ENOX2: variants seen among roughly 807,000 people sequenced by gnomAD.
The protein encoded by ENOX2 is ecto-NOX disulfide-thiol exchanger 2.
A neutral mutation model predicts 45.0 loss-of-function variants in ENOX2; 36 were observed. The observed-to-expected ratio is 0.80, with a 90% CI of 0.61 to 1.06. ENOX2 has a LOEUF of 1.06. Among genes scored for constraint, ENOX2 ranks in the 50% least tolerant of loss-of-function variants. The pLI, the probability that ENOX2 is intolerant of heterozygous loss-of-function variation, is 0.00. For missense variants in ENOX2, 423 were observed against 462.5 expected, an observed-to-expected ratio of 0.91 and a Z score of 0.78; for synonymous variants, 174 against 152.3, an observed-to-expected ratio of 1.14 and a Z score of -1.05.
intron 3 of ENOX2, among the ~76,000 whole-genome samples, chrX:130,735,716 C>G (rs1436568243): frequency 1.8e-5 from 2 of 110,941 alleles, no homozygotes; most frequent in Non-Finnish European, 3.8e-5. Flanking sequence ...ATGAATAACC[C>G]AACTGTCCAA....
chrX:130,659,311 ACT>A lies in ENOX2; in HGVS notation c.1015-2618_1015-2617del, dbSNP rs1226510158. On this transcript the variant is annotated intron_variant, in intron 9 of 14. Coordinates refer to ENST00000394363, the MANE Select transcript of ENOX2 (RefSeq NM_006375.4). ...AGTTTTCACTAAAAATAAATAAAAG[ACT>A]CTTTTTTTAAAAAGTGAGCTATTTA... is the stretch of plus-strand genomic sequence containing the variant. Among the ~76,000 whole-genome samples the A allele has an allele frequency of 4.5e-5, 5 of 112,334 alleles. No homozygotes were observed. In the East Asian group the frequency reaches 1.4e-3, roughly 31 times the overall value.
chrX:130,778,211 A>C (rs1473456807), intron 3 of ENOX2, among the ~76,000 whole-genome samples: 1 of 111,733 alleles, frequency 8.9e-6, no homozygotes, highest in Non-Finnish European at 1.9e-5. Context: ...AAAGGAAACA[A>C]AAGTACTCTC....
intron 2 of ENOX2, among the ~76,000 whole-genome samples, chrX:130,834,168 T>C (rs1193245153): frequency 2.7e-5 from 3 of 111,805 alleles, no homozygotes; most frequent in Non-Finnish European, 5.6e-5. Flanking sequence ...CATGTCTTCT[T>C]GTTGCTTTTG....
In ENOX2 at chrX:130,694,209, C is replaced by A. The variant is rs565151819; in HGVS notation, c.98-5191G>T. ...ATATAGCAATAGATAAGGAGAATAT[C>A]CAGCATGGCTGCAGTGGAATGTGAT... is the stretch of plus-strand genomic sequence containing the variant. On this transcript the variant is annotated intron_variant, in intron 4 of 14. Transcript: ENST00000394363. 1.2e-4 allele frequency among the ~76,000 whole-genome samples: 13 copies of A among 112,214 alleles called. 1 individual carries two copies. The South Asian group carries it at 4.8e-3, about 42-fold the overall frequency.
At chrX:130,725,485 T>A (rs2038583426) in intron 3 of ENOX2, among the ~76,000 whole-genome samples, 4 of 109,335 alleles carry the variant, frequency 3.7e-5, no homozygotes, top group Admixed American at 2.0e-4. Context: ...ATCATTTTTT[T>A]ATTCTAGTCC....
rs1318936825 is a variant in ENOX2 at position 130,652,207 on chromosome X, TG to T, written c.1129+4373del. ...TCTTTGTAACATCTGTTAATGTCAA[TG>T]ACTACTTACTTCTATAAAAACTTTT... On this transcript the variant is annotated intron_variant, in intron 10 of 14. Coordinates refer to ENST00000394363, the MANE Select transcript of ENOX2 (RefSeq NM_006375.4). Among the ~76,000 whole-genome samples, 3 of 112,183 alleles carry T rather than the reference TG, an allele frequency of 2.7e-5. No individual in the cohort carries two copies. In the East Asian group the frequency reaches 8.3e-4, roughly 31 times the overall value.
At chrX:130,797,436 G>A (rs1603352401) in intron 2 of ENOX2, among the ~76,000 whole-genome samples, 2 of 111,682 alleles carry the variant, frequency 1.8e-5, no homozygotes, top group South Asian at 7.6e-4. Context: ...CTTCCTAATT[G>A]AATCTGTCTC....
rs1312292600 is a variant in ENOX2, at chrX:130,624,242, C to T, written c.*1072G>A. The T allele has an allele frequency of 1.8e-5, 2 of 112,524 alleles. No individual in the cohort carries two copies. Among genetic ancestry groups the T allele is most frequent in the African/African-American group, 6.5e-5 (2 of 30,968 alleles). The allele number at this position is 112,524 out of a possible 1,213,427, so 9.3% of individuals were successfully genotyped here. A position where few individuals can be genotyped will look rare whatever the true frequency, so the allele number is the denominator to read the frequency against. On this transcript the variant is annotated 3_prime_UTR_variant, in exon 15 of 15. Coordinates refer to ENST00000394363, the MANE Select transcript of ENOX2 (RefSeq NM_006375.4). The stretch of plus-strand genomic sequence containing the variant: ...ACCAAGGTGTCTCTGGCAATTCGCA[C>T]TCCAGGTGGAGCTGACCTATTTGTA...
rs2038154388 is a variant in ENOX2 at position 130,710,234 on chromosome X, T to C, written c.-38-6980A>G. 2.7e-5 allele frequency among the ~76,000 whole-genome samples: 3 copies of C among 112,020 alleles called. No individual in the cohort carries two copies. In the South Asian group the frequency reaches 1.1e-3, roughly 42 times the overall value. On this transcript the variant is annotated intron_variant, in intron 3 of 14. Coordinates refer to ENST00000394363, the MANE Select transcript of ENOX2 (RefSeq NM_006375.4). ...GTTAAGCAAGCTATCCATAGTTATA[T>C]AGCTAGCTTGCAGTAGAGCCGAGAT...
chrX:130,684,045 C>T (rs931988119), intron 5 of ENOX2, among the ~76,000 whole-genome samples: 1 of 112,431 alleles, frequency 8.9e-6, no homozygotes, highest in Non-Finnish European at 1.9e-5. Flanking sequence ...TGTGTCACTT[C>T]TGAGCTTGAA....
At chrX:130,869,325 G>A (rs766182455) in intron 2 of ENOX2, among the ~76,000 whole-genome samples, 3 of 111,026 alleles carry the variant, frequency 2.7e-5, no homozygotes, top group Non-Finnish European at 5.7e-5. Flanking sequence ...CATTTGAAAC[G>A]CCAGCTTAAA....
chrX:130,625,973 A>T (rs1213430406), intron 14 of ENOX2, among the ~76,000 whole-genome samples: 1 of 109,933 alleles, frequency 9.1e-6, no homozygotes, highest in African/African-American at 3.3e-5. Context: ...AACAAAAACA[A>T]ATCTGTGGAC....
At chrX:130,889,824 C>T (rs996068257) in intron 2 of ENOX2, among the ~76,000 whole-genome samples, 3 of 112,504 alleles carry the variant, frequency 2.7e-5, no homozygotes, top group African/African-American at 9.7e-5. Flanking sequence ...CACCAGATCT[C>T]ACTTTCCTCT....
At chrX:130,806,791 G>GT (rs1330313409) in intron 2 of ENOX2, among the ~76,000 whole-genome samples, 5 of 112,099 alleles carry the variant, frequency 4.5e-5, no homozygotes, top group African/African-American at 1.6e-4. Flanking sequence ...ATTTACAAAG[G>GT]TATTTCATAT....
chrX:130,870,586 G>A (rs1313188834), intron 2 of ENOX2, among the ~76,000 whole-genome samples: 1 of 111,257 alleles, frequency 9.0e-6, no homozygotes, highest in Non-Finnish European at 1.9e-5. Context: ...GGGAAGAGAG[G>A]CAATTGTCGA....
rs1374876033 is a variant in ENOX2 at position 130,893,735 on chromosome X, G to A, written c.-183+7949C>T. ...TTTTATATTCATGTACATCTGGTAC[G>A]TCTATCCACTTCCCATATCTGGATG... On this transcript the variant is annotated intron_variant, in intron 2 of 14. Coordinates refer to ENST00000394363, the MANE Select transcript of ENOX2 (RefSeq NM_006375.4). 4.5e-5 allele frequency among the ~76,000 whole-genome samples: 5 copies of A among 112,042 alleles called. No individual in the cohort carries two copies. The East Asian group carries it at 1.1e-3, about 25-fold the overall frequency.
At chrX:130,788,811 G>A in intron 2 of ENOX2, among the ~76,000 whole-genome samples, 1 of 112,014 alleles carries the variant, frequency 8.9e-6, no homozygotes, top group East Asian at 2.8e-4. Flanking sequence ...AAAATTTACA[G>A]TTTGTCCAAA....
chrX:130,830,851 C>G (rs2077810136), intron 2 of ENOX2, among the ~76,000 whole-genome samples: 2 of 111,926 alleles, frequency 1.8e-5, no homozygotes, highest in African/African-American at 6.5e-5. Context: ...TCTTGCCCAT[C>G]TTTAACTCAT....
At chrX:130,757,894 T>C (rs922404682) in intron 3 of ENOX2, among the ~76,000 whole-genome samples, 1 of 111,012 alleles carries the variant, frequency 9.0e-6, no homozygotes, top group African/African-American at 3.3e-5. Flanking sequence ...CCACCACCCC[T>C]GGCTAATTTT....
Sources: gnomAD v4.1 joint callset for allele counts (sites outside exome capture counted in the v4.1 genomes callset) on GRCh38, gnomAD v4.1.1 for gene constraint, MANE v1.5 for transcripts, NCBI Gene and HGNC (gene_info 2026-07-23, HGNC 2026-07-21) for gene names.